The following NBAS variants were observed in gnomAD, a reference collection of about 807,000 sequenced individuals.
The protein encoded by NBAS is NAG/BC035112 fusion.
A neutral mutation model predicts 302.5 loss-of-function variants in NBAS; 219 were observed. The observed-to-expected ratio is 0.72, with a 90% CI of 0.65 to 0.81. NBAS has a LOEUF of 0.81. Among genes scored for constraint, NBAS ranks in the 30% least tolerant of loss-of-function variants. NBAS has a pLI of 0.00. For missense variants in NBAS, 2,932 were observed against 2,841.6 expected (o/e 1.03, Z -0.72); for synonymous variants, 1,118 against 1,021.6 (o/e 1.09, Z -1.80).
intron 31 of NBAS, among the ~76,000 whole-genome samples, chr2:15,373,779 G>C (rs1019358982): frequency 6.6e-6 from 1 of 152,154 alleles, no homozygotes; most frequent in Non-Finnish European, 1.5e-5. Context: ...CAAGGAACTT[G>C]TAAGAGATCT....
At chr2:15,014,136 C>A in the NBAS span, among the ~76,000 whole-genome samples, 9 of 151,916 alleles carry the variant, frequency 5.9e-5, no homozygotes, top group African/African-American at 1.9e-4. Context: ...AACACTGAAC[C>A]ACACAGATAT....
the NBAS span, among the ~76,000 whole-genome samples, chr2:14,915,817 C>A: frequency 2.0e-5 from 3 of 152,148 alleles, no homozygotes; most frequent in Non-Finnish European, 4.4e-5. Flanking sequence ...ATCTCAGCCT[C>A]CCAAAGTGTT....
chr2:14,974,077 G>T, the NBAS span, among the ~76,000 whole-genome samples: 1 of 152,260 alleles, frequency 6.6e-6, no homozygotes, highest in Non-Finnish European at 1.5e-5. Flanking sequence ...TAATTCCCAT[G>T]CATTTTATCT....
chr2:15,267,666 T>C (rs2148033109), intron 44 of NBAS, among the ~76,000 whole-genome samples: 1 of 152,308 alleles, frequency 6.6e-6, no homozygotes, highest in African/African-American at 2.4e-5. Flanking sequence ...CATTCAAAGA[T>C]GTAATGTATA....
the NBAS span, among the ~76,000 whole-genome samples, chr2:14,989,005 GAATT>G: frequency 6.6e-6 from 1 of 152,016 alleles, no homozygotes; most frequent in Non-Finnish European, 1.5e-5. Flanking sequence ...AGTAAAATCA[GAATT>G]AATATAAATG....
chr2:15,046,152 T>G, the NBAS span, among the ~76,000 whole-genome samples: 1 of 152,236 alleles, frequency 6.6e-6, no homozygotes, highest in African/African-American at 2.4e-5. Flanking sequence ...AAAGCAGTCA[T>G]GCATTTGAAA....
In NBAS at chr2:15,413,073, C is replaced by A. The variant is rs373847308; in HGVS notation, c.2937+2473G>T. 4.6e-5 allele frequency among the ~76,000 whole-genome samples: 7 copies of A among 152,352 alleles called. No homozygotes were observed. In the East Asian group the frequency reaches 1.3e-3, roughly 29 times the overall value. ...CTTTTCAAAACAACTTGCGTAACCT[C>A]CTCTTTCCCCAATAAACCCTAACCC... On this transcript the variant is annotated intron_variant, in intron 25 of 51. Coordinates refer to ENST00000281513, the MANE Select transcript of NBAS (RefSeq NM_015909.4).
At chr2:15,280,899 T>G (rs1281574992) in intron 42 of NBAS, among the ~76,000 whole-genome samples, 1 of 152,176 alleles carries the variant, frequency 6.6e-6, no homozygotes, top group East Asian at 1.9e-4. Flanking sequence ...AGGATGACCT[T>G]GATGTAGCAG....
At chr2:14,944,563 A>T in the NBAS span, among the ~76,000 whole-genome samples, 687 of 152,294 alleles carry the variant, frequency 4.5e-3, 9 homozygotes, top group African/African-American at 0.016. Context: ...AGGTATTAAA[A>T]GAACAGTGAG....
intron 43 of NBAS, 56 bp downstream of exon 43, chr2:15,276,795 T>C: frequency 6.2e-7 from 1 of 1,612,978 alleles, no homozygotes; most frequent in Non-Finnish European, 8.5e-7. Flanking sequence ...TACAGAAAAT[T>C]AATCCCCAGA....
rs930985068 is a variant in NBAS at position 15,167,382 on chromosome 2, T to G, written c.6841-59A>C. The G allele has an allele frequency of 6.3e-6, 10 of 1,591,612 alleles. No individual in the cohort carries two copies. The African/African-American group carries it at 1.3e-4, about 21-fold the overall frequency. ...GTGTTTGCTTTGTTCGCCTCCCCCT[T>G]GGATCCCTCGCTCTCCACTGGGCTG... On this transcript the variant is annotated intron_variant, in intron 51 of 51. Coordinates refer to ENST00000281513, the MANE Select transcript of NBAS (RefSeq NM_015909.4).
chr2:14,841,592 A>C, the NBAS span, among the ~76,000 whole-genome samples: 1 of 151,854 alleles, frequency 6.6e-6, no homozygotes, highest in Admixed American at 6.6e-5. Context: ...AAAAAAGGTC[A>C]TTATATGATG....
At chr2:15,168,631 T>C (rs1028822393) in intron 51 of NBAS, among the ~76,000 whole-genome samples, 1 of 152,212 alleles carries the variant, frequency 6.6e-6, no homozygotes, top group Non-Finnish European at 1.5e-5. Flanking sequence ...AATTTTATTT[T>C]ATTTATTTCT....
chr2:14,797,094 CAA>C, the NBAS span, among the ~76,000 whole-genome samples: 41,187 of 90,290 alleles, frequency 0.46, 6,820 homozygotes, highest in African/African-American at 0.48. Flanking sequence ...GACTCCGTCT[CAA>C]AAAAAAAAAA....
intron 16 of NBAS, 24 bp from the exon 17 acceptor site, chr2:15,468,557 G>A (rs371440713): frequency 5.6e-6 from 9 of 1,612,022 alleles, no homozygotes; most frequent in Non-Finnish European, 7.6e-6. Flanking sequence ...AAGAAACAGA[G>A]GAATTACAGA....
Position 15,185,885 on chromosome 2 carries a change from C to T in NBAS, c.6711+857G>A, listed in dbSNP as rs562810620. Among the ~76,000 whole-genome samples, 3 of 152,156 alleles carry T rather than the reference C, an allele frequency of 2.0e-5. No homozygotes were observed. In the East Asian group the frequency reaches 5.8e-4, roughly 29 times the overall value. On this transcript the variant is annotated intron_variant, in intron 50 of 51. Transcript: ENST00000281513. ...ATAAGGATTTAAAGGATCATATTTA[C>T]AAATTTATTTTCAAGTTTATCTCCT... is the stretch of plus-strand genomic sequence containing the variant.
At chr2:15,253,757 C>T (rs1668461502) in intron 44 of NBAS, among the ~76,000 whole-genome samples, 1 of 152,060 alleles carries the variant, frequency 6.6e-6, no homozygotes, top group South Asian at 2.1e-4. Context: ...CTAAAGAGCT[C>T]CAGAACACCA....
chr2:15,523,818 G>T (rs1662792392), intron 9 of NBAS, among the ~76,000 whole-genome samples: 1 of 152,152 alleles, frequency 6.6e-6, no homozygotes, highest in African/African-American at 2.4e-5. Flanking sequence ...AGAAGCTGAG[G>T]CAGGAGAATC....
At chr2:15,117,210 G>A in the NBAS span, among the ~76,000 whole-genome samples, 24 of 152,246 alleles carry the variant, frequency 1.6e-4, no homozygotes, top group African/African-American at 4.6e-4. Flanking sequence ...TCCCCAGACC[G>A]TTACACACTG....
Sources: gnomAD v4.1 joint callset for allele counts (sites outside exome capture counted in the v4.1 genomes callset) on GRCh38, gnomAD v4.1.1 for gene constraint, MANE v1.5 for transcripts, NCBI Gene and HGNC (gene_info 2026-07-23, HGNC 2026-07-21) for gene names.